FANCL: variants seen among roughly 807,000 people sequenced by gnomAD.
FANCL encodes E3 ubiquitin-protein ligase FANCL.
A neutral mutation model predicts 59.4 loss-of-function variants in FANCL; 69 were observed. That is an observed-to-expected ratio of 1.16 (90% confidence interval 0.96 to 1.42). FANCL has a LOEUF of 1.42. FANCL is among the 40% of genes most tolerant of loss of function. The pLI, the probability that FANCL is intolerant of heterozygous loss-of-function variation, is 0.00. For synonymous variants in FANCL, 180 were observed against 147.1 expected (o/e 1.22, Z -1.62); for missense variants, 519 against 447.2 (o/e 1.16, Z -1.45).
chr2:58,210,652 G>A (rs1290972243), intron 5 of FANCL, among the ~76,000 whole-genome samples: 1 of 152,072 alleles, frequency 6.6e-6, no homozygotes, highest in Non-Finnish European at 1.5e-5. Flanking sequence ...CCACCGATGA[G>A]CCTAATAAAA....
chr2:58,174,236 G>A (rs1687017807), intron 7 of FANCL, among the ~76,000 whole-genome samples: 1 of 152,134 alleles, frequency 6.6e-6, no homozygotes, highest in Non-Finnish European at 1.5e-5. Context: ...CAACAAGACA[G>A]AAAGTTAACA....
At chr2:58,175,480 A>G (rs1213146440) in intron 7 of FANCL, among the ~76,000 whole-genome samples, 2 of 151,918 alleles carry the variant, frequency 1.3e-5, no homozygotes, top group Non-Finnish European at 2.9e-5. Flanking sequence ...CTGGTTCAAT[A>G]TACGCAAATC....
intron 7 of FANCL, among the ~76,000 whole-genome samples, chr2:58,167,953 T>A (rs1242127433): frequency 6.6e-6 from 1 of 152,144 alleles, no homozygotes; most frequent in Admixed American, 6.5e-5. Flanking sequence ...TAAAAACCCT[T>A]ATTTTGAATT....
chr2:58,224,256 T>G (rs1192652882), intron 4 of FANCL, among the ~76,000 whole-genome samples: 1 of 151,788 alleles, frequency 6.6e-6, no homozygotes, highest in Non-Finnish European at 1.5e-5. Flanking sequence ...AGTCTCTCCT[T>G]GTATTTGTAT....
intron 5 of FANCL, among the ~76,000 whole-genome samples, chr2:58,217,211 TATATACACACACACAC>T (rs1422075268): frequency 0.053 from 466 of 8,866 alleles, 1 homozygote; most frequent in Non-Finnish European, 0.066. Flanking sequence ...TATATATATA[TATATACACACACACAC>T]ACACACACAC....
chr2:58,204,047 C>A, intron 6 of FANCL, 83 bp downstream of exon 6: 1 of 1,011,710 alleles, frequency 9.9e-7, no homozygotes, highest in Non-Finnish European at 1.6e-6. Context: ...ATGTAACTAG[C>A]ACTTCTTTAC....
At chr2:58,223,007 AT>A (rs3836120) in intron 4 of FANCL, among the ~76,000 whole-genome samples, 22,313 of 151,338 alleles carry the variant, frequency 0.15, 2,344 homozygotes, top group African/African-American at 0.3. Flanking sequence ...GTATATATCA[AT>A]TTTTTTTAAC....
chr2:58,240,911 ACAGT>A (rs1181019207), intron 1 of FANCL, among the ~76,000 whole-genome samples: 1 of 152,206 alleles, frequency 6.6e-6, no homozygotes, highest in Non-Finnish European at 1.5e-5. Context: ...AAATTAAAAA[ACAGT>A]CAATTGCGGG....
chr2:58,177,184 G>T (rs530981067), intron 7 of FANCL, among the ~76,000 whole-genome samples: 2 of 152,118 alleles, frequency 1.3e-5, no homozygotes, highest in African/African-American at 4.8e-5. Flanking sequence ...CTGTTGGTGG[G>T]ACTGTAAACT....
In FANCL at chr2:58,166,952, G is replaced by A. The variant is rs1409816597; in HGVS notation, c.541-1078C>T. ...AAGTGGGCCAGGTGCAGTGGCTCAG[G>A]CCTGTAATCCCAGCACTCTGGGAGG... is the stretch of plus-strand genomic sequence containing the variant. On this transcript the variant is annotated intron_variant, in intron 7 of 13. Transcript: ENST00000233741. Among the ~76,000 whole-genome samples the A allele has an allele frequency of 3.9e-5, 6 of 152,168 alleles. No individual in the cohort carries two copies. In the East Asian group the frequency reaches 1.2e-3, roughly 29 times the overall value.
intron 7 of FANCL, among the ~76,000 whole-genome samples, chr2:58,169,700 A>T (rs1337458643): frequency 1.3e-5 from 2 of 152,086 alleles, no homozygotes; most frequent in African/African-American, 4.8e-5. Flanking sequence ...AGGTTATAGA[A>T]GAACATAAAT....
chr2:58,161,717 G>C, intron 11 of FANCL, 79 bp from the exon 12 acceptor site: 1 of 863,626 alleles, frequency 1.2e-6, no homozygotes, highest in South Asian at 1.4e-5. Context: ...GGGTATGTGT[G>C]ATATTTTGAT....
chr2:58,160,473 A>AGAC (rs1684984103), intron 12 of FANCL, among the ~76,000 whole-genome samples: 1 of 152,156 alleles, frequency 6.6e-6, no homozygotes, highest in East Asian at 1.9e-4. Flanking sequence ...TCCCCAGAAT[A>AGAC]GACATACATA....
intron 5 of FANCL, among the ~76,000 whole-genome samples, chr2:58,214,140 A>T (rs79405536): frequency 0.065 from 9,848 of 152,296 alleles, 411 homozygotes; most frequent in Middle Eastern, 0.095. Context: ...CACAACAGAA[A>T]CTTCATAAAC....
intron 5 of FANCL, among the ~76,000 whole-genome samples, chr2:58,219,599 A>G (rs1558810862): frequency 1.3e-5 from 2 of 152,058 alleles, no homozygotes; most frequent in Non-Finnish European, 2.9e-5. Context: ...ATCAACAGTG[A>G]TGAGTCACAG....
At chr2:58,210,931 C>A (rs1691080320) in intron 5 of FANCL, among the ~76,000 whole-genome samples, 1 of 152,162 alleles carries the variant, frequency 6.6e-6, no homozygotes, top group East Asian at 1.9e-4. Flanking sequence ...GCACCCCCAC[C>A]CGGCTGAGTT....
intron 5 of FANCL, among the ~76,000 whole-genome samples, chr2:58,217,166 T>TGA (rs1558806220): frequency 2.1e-5 from 1 of 47,356 alleles, no homozygotes; most frequent in African/African-American, 7.8e-5. Flanking sequence ...TTTATATATT[T>TGA]TATATATATA....
chr2:58,172,905 T>C (rs1046207273), intron 7 of FANCL, among the ~76,000 whole-genome samples: 1 of 152,120 alleles, frequency 6.6e-6, no homozygotes, highest in Non-Finnish European at 1.5e-5. Context: ...TTTAGACGAA[T>C]GCATAACTAG....
At position 58,217,166 on chromosome 2, in the gene FANCL, TTA is replaced by T. The variant is rs1158149205; in HGVS notation, c.374+4774_374+4775del. 2.2e-3 allele frequency among the ~76,000 whole-genome samples: 103 copies of T among 47,338 alleles called. 1 individual carries two copies. Among genetic ancestry groups the T allele is most frequent in the Non-Finnish European group, 3.2e-3 (82 of 25,604 alleles). 31.1% of individuals were successfully genotyped at this position (47,338 alleles called of 152,430 possible). On this transcript the variant is annotated intron_variant, in intron 5 of 13. Coordinates refer to ENST00000233741, the MANE Select transcript of FANCL (RefSeq NM_018062.4). ...AGATTTATATATATATTTATATATT[TTA>T]TATATATATATATATATATATATAT... is the stretch of plus-strand genomic sequence containing the variant.
Sources: allele counts gnomAD v4.1 joint callset (sites outside exome capture counted in the v4.1 genomes callset), GRCh38; gene constraint gnomAD v4.1.1; transcripts MANE v1.5; gene names NCBI Gene and HGNC (gene_info 2026-07-23, HGNC 2026-07-21).